Variants in TMEM131L observed in about 807,000 individuals in gnomAD.
TMEM131L encodes transmembrane protein 131-like.
In TMEM131L, 54 loss-of-function variants were observed where a neutral mutation model predicts 192.2. That is an observed-to-expected ratio of 0.28 (90% CI 0.23 to 0.35). The LOEUF is 0.35. Ranked by LOEUF, TMEM131L falls within the 10% of genes least tolerant of loss-of-function variation. The pLI, the probability that TMEM131L is intolerant of heterozygous loss-of-function variation, is 1.00. For synonymous variants in TMEM131L, 701 were observed against 704.9 expected, an observed-to-expected ratio of 0.99 and a Z score of 0.09; for missense variants, 1,888 against 1,972.9, an observed-to-expected ratio of 0.96 and a Z score of 0.82.
intron 21 of TMEM131L, among the ~76,000 whole-genome samples, chr4:153,600,422 G>A (rs11734684): frequency 0.31 from 47,525 of 151,644 alleles, 7,575 homozygotes; most frequent in Non-Finnish European, 0.35. Flanking sequence ...TGATGAAATT[G>A]ATTTGAAATT....
chr4:153,544,629 C>A (rs1305099503), intron 3 of TMEM131L, among the ~76,000 whole-genome samples: 1 of 152,218 alleles, frequency 6.6e-6, no homozygotes, highest in Non-Finnish European at 1.5e-5. Flanking sequence ...TATCTTCACT[C>A]CTGCCATTGG....
Position 153,572,824 on chromosome 4 carries a change from A to G in TMEM131L, c.661-8002A>G, listed in dbSNP as rs1578773246. ...CATCCATCTCCAGGACCCTTTCATC[A>G]CCCCAAGGGGAAACTCCATACCCAT... On this transcript the variant is annotated intron_variant, in intron 7 of 34. Transcript: ENST00000409959. Among the ~76,000 whole-genome samples, 6 of 151,918 alleles carry G rather than the reference A, an allele frequency of 3.9e-5. 1 individual carries two copies. In the South Asian group the frequency reaches 1.0e-3, roughly 26 times the overall value.
intron 7 of TMEM131L, among the ~76,000 whole-genome samples, chr4:153,564,220 C>A (rs548672810): frequency 1.5e-5 from 2 of 132,918 alleles, no homozygotes; most frequent in African/African-American, 2.8e-5. Context: ...ACCCGGGAGG[C>A]GGAGGTTGCA....
At chr4:153,587,623 C>A in intron 14 of TMEM131L, 119 bp from the exon 15 acceptor site, 1 of 755,084 alleles carries the variant, frequency 1.3e-6, no homozygotes. Flanking sequence ...ATTTTTGGCT[C>A]GTGGTTAAAG....
At chr4:153,504,491 G>T (rs1733851945) in intron 3 of TMEM131L, among the ~76,000 whole-genome samples, 1 of 150,590 alleles carries the variant, frequency 6.6e-6, no homozygotes, top group Admixed American at 6.6e-5. Flanking sequence ...TGTTGGTCAG[G>T]CTGGTCTCTA....
At chr4:153,611,196 C>T (rs1467545529) in intron 25 of TMEM131L, among the ~76,000 whole-genome samples, 1 of 152,244 alleles carries the variant, frequency 6.6e-6, no homozygotes, top group Non-Finnish European at 1.5e-5. Flanking sequence ...TTCACTGTAG[C>T]AGGGAGGACC....
intron 16 of TMEM131L, among the ~76,000 whole-genome samples, chr4:153,590,084 T>TA (rs1449009273): frequency 1.3e-5 from 2 of 152,250 alleles, no homozygotes; most frequent in East Asian, 3.8e-4. Context: ...GTTGATCCAG[T>TA]AGTGTTCATT....
chr4:153,490,694 G>A (rs908048081), intron 3 of TMEM131L, among the ~76,000 whole-genome samples: 4 of 152,082 alleles, frequency 2.6e-5, no homozygotes, highest in Non-Finnish European at 4.4e-5. Flanking sequence ...GGGGGCTCAT[G>A]CCTGTAATCC....
chr4:153,515,587 A>G lies in TMEM131L; in HGVS notation c.240-34486A>G, dbSNP rs571350722. Reference sequence around the variant, plus strand: ...GTATGTTTTCAATTCTATTGGTTATATATCTACGAGTGGTATTGCTGGTTT... The same window carrying G: ...GTATGTTTTCAATTCTATTGGTTATGTATCTACGAGTGGTATTGCTGGTTT... On this transcript the variant is annotated intron_variant, in intron 3 of 34. Coordinates refer to ENST00000409959, the MANE Select transcript of TMEM131L (RefSeq NM_001131007.2). Among the ~76,000 whole-genome samples, 29 of 152,326 alleles carry G rather than the reference A, an allele frequency of 1.9e-4. No homozygotes were observed. In the South Asian group the frequency reaches 3.7e-3, roughly 20 times the overall value.
intron 3 of TMEM131L, among the ~76,000 whole-genome samples, chr4:153,525,705 C>T (rs1393376161): frequency 1.3e-5 from 2 of 152,146 alleles, no homozygotes; most frequent in African/African-American, 2.4e-5. Flanking sequence ...TGATTCTTCT[C>T]ATTTGTTAGT....
intron 13 of TMEM131L, 34 bp from the exon 14 acceptor site, chr4:153,586,175 G>C: frequency 6.8e-7 from 1 of 1,472,948 alleles, no homozygotes; most frequent in Non-Finnish European, 9.1e-7. Context: ...TTAGTGTTAG[G>C]AAAAGTAATT....
intron 3 of TMEM131L, among the ~76,000 whole-genome samples, chr4:153,492,172 TAA>T (rs66561250): frequency 2.1e-4 from 30 of 143,736 alleles, no homozygotes; most frequent in Non-Finnish European, 2.4e-4. Context: ...TAGCTAATTA[TAA>T]AAAAAAAAAA....
At chr4:153,566,755 C>G (rs1252797097) in intron 7 of TMEM131L, among the ~76,000 whole-genome samples, 2 of 152,096 alleles carry the variant, frequency 1.3e-5, no homozygotes, top group Non-Finnish European at 2.9e-5. Flanking sequence ...AGTGTTTTTT[C>G]TAAGTTTATG....
chr4:153,467,105 A>T, intron 1 of TMEM131L, 106 bp from the exon 2 acceptor site: 1 of 1,075,506 alleles, frequency 9.3e-7, no homozygotes, highest in Non-Finnish European at 1.4e-6. Flanking sequence ...GAGGAAAAAG[A>T]GACGTGTTTT....
chr4:153,627,813 C>G, intron 31 of TMEM131L, 126 bp downstream of exon 31: 1 of 699,936 alleles, frequency 1.4e-6, no homozygotes, highest in Non-Finnish European at 2.4e-6. Context: ...CCAGCCCCTT[C>G]TGCAAGCCAC....
chr4:153,476,386 CTA>C (rs1455417913), intron 3 of TMEM131L, among the ~76,000 whole-genome samples: 2 of 152,126 alleles, frequency 1.3e-5, no homozygotes, highest in Non-Finnish European at 2.9e-5. Flanking sequence ...TTGAACATAA[CTA>C]TGTATTCAGT....
intron 3 of TMEM131L, among the ~76,000 whole-genome samples, chr4:153,537,251 C>T (rs1194972406): frequency 6.6e-6 from 1 of 152,150 alleles, no homozygotes; most frequent in Non-Finnish European, 1.5e-5. Flanking sequence ...TTAACTCCAC[C>T]TTTGTAGATT....
At chr4:153,491,894 A>G (rs1732811750) in intron 3 of TMEM131L, among the ~76,000 whole-genome samples, 1 of 152,040 alleles carries the variant, frequency 6.6e-6, no homozygotes, top group African/African-American at 2.4e-5. Flanking sequence ...TTTTTTGTAG[A>G]GACAAGGTTT....
At chr4:153,626,439 A>G (rs1733848686) in intron 30 of TMEM131L, among the ~76,000 whole-genome samples, 1 of 152,088 alleles carries the variant, frequency 6.6e-6, no homozygotes, top group South Asian at 2.1e-4. Flanking sequence ...TTTTTTTCAG[A>G]CAGGTAGCCA....
Sources: gnomAD v4.1 joint callset for allele counts (sites outside exome capture counted in the v4.1 genomes callset) on GRCh38, gnomAD v4.1.1 for gene constraint, MANE v1.5 for transcripts, NCBI Gene and HGNC (gene_info 2026-07-23, HGNC 2026-07-21) for gene names.